The following CDH18 variants were observed in gnomAD, a reference collection of about 807,000 sequenced individuals.
CDH18 encodes cadherin-18.
Under a neutral mutation model 67.9 loss-of-function variants are expected in CDH18, and 31 were observed. That is an observed-to-expected ratio of 0.46 (90% CI 0.34 to 0.62). The LOEUF (loss-of-function observed/expected upper bound fraction) is 0.62, where lower values mean the gene tolerates loss of function less well. Among genes scored for constraint, CDH18 ranks in the 20% least tolerant of loss-of-function variants. CDH18 has a pLI of 0.01. For synonymous variants in CDH18, 362 were observed against 347.2 expected, an observed-to-expected ratio of 1.04 and a Z score of -0.48; for missense variants, 890 against 975.5, an observed-to-expected ratio of 0.91 and a Z score of 1.17.
At chr5:19,544,363 CTTG>C (rs1228510895) in intron 8 of CDH18, among the ~76,000 whole-genome samples, 1 of 151,900 alleles carries the variant, frequency 6.6e-6, no homozygotes, top group Non-Finnish European at 1.5e-5. Flanking sequence ...AATAAGACTT[CTTG>C]TTGTTATTAT....
chr5:20,392,171 T>TA (rs1744921210), intron 1 of CDH18, among the ~76,000 whole-genome samples: 1 of 151,896 alleles, frequency 6.6e-6, no homozygotes, highest in South Asian at 2.1e-4. Flanking sequence ...TTCACCATCT[T>TA]ATTTCACACA....
intron 1 of CDH18, among the ~76,000 whole-genome samples, chr5:20,526,860 C>A (rs926091948): frequency 1.3e-5 from 2 of 152,030 alleles, no homozygotes; most frequent in African/African-American, 4.8e-5. Flanking sequence ...AGCCAGCATG[C>A]CTCTTCTCCT....
intron 1 of CDH18, among the ~76,000 whole-genome samples, chr5:20,328,975 C>G (rs1170356089): frequency 6.6e-6 from 1 of 152,176 alleles, no homozygotes; most frequent in Non-Finnish European, 1.5e-5. Context: ...AGTAAGATCT[C>G]ATCTCAGAAA....
At chr5:19,874,298 C>T (rs997330208) in intron 2 of CDH18, among the ~76,000 whole-genome samples, 8 of 152,094 alleles carry the variant, frequency 5.3e-5, no homozygotes, top group South Asian at 2.1e-4. Flanking sequence ...TAAGCCAGTC[C>T]TCATTTTATT....
intron 5 of CDH18, among the ~76,000 whole-genome samples, chr5:19,633,581 T>C (rs930417428): frequency 6.6e-5 from 10 of 152,090 alleles, no homozygotes; most frequent in Non-Finnish European, 2.9e-5. Flanking sequence ...TCTCTCCTAC[T>C]TCATGTTTAA....
In CDH18 at chr5:20,026,341, A is replaced by G. The variant is rs760020237; in HGVS notation, c.-517-34327T>C. Among the ~76,000 whole-genome samples the G allele has an allele frequency of 1.5e-3, 224 of 152,184 alleles. 1 individual carries two copies. Among genetic ancestry groups the G allele is most frequent in the Non-Finnish European group, 1.8e-3 (125 of 68,034 alleles). ...CAGTCGCTAAGCTTCAGTTTTCTCA[A>G]ATATGAGAAAAATAGATAATATATT... On this transcript the variant is annotated intron_variant, in intron 2 of 14. Transcript: ENST00000507958.
At chr5:20,007,264 A>T (rs1489595314) in intron 2 of CDH18, among the ~76,000 whole-genome samples, 1 of 148,636 alleles carries the variant, frequency 6.7e-6, no homozygotes, top group Non-Finnish European at 1.5e-5. Context: ...AAAATGATGG[A>T]TTATTCAATT....
At chr5:19,895,074 T>C (rs1219315311) in intron 2 of CDH18, among the ~76,000 whole-genome samples, 1 of 152,142 alleles carries the variant, frequency 6.6e-6, no homozygotes, top group Non-Finnish European at 1.5e-5. Flanking sequence ...CTGCTCTATG[T>C]AGTAGATATT....
At chr5:19,623,098 G>A (rs918348869) in intron 5 of CDH18, among the ~76,000 whole-genome samples, 2 of 152,140 alleles carry the variant, frequency 1.3e-5, no homozygotes, top group Admixed American at 1.3e-4. Context: ...CAGAAATGGA[G>A]TGCATGACAT....
rs559159261 is a variant in CDH18, at chr5:20,223,608, T to C, written c.-518+31836A>G. Among the ~76,000 whole-genome samples, 3 of 152,280 alleles carry C rather than the reference T, an allele frequency of 2.0e-5. 1 individual carries two copies. The highest frequency in any genetic ancestry group is 3.9e-4 in the East Asian group (2 of 5,170). On this transcript the variant is annotated intron_variant, in intron 2 of 14. Transcript: ENST00000507958. ...TGGCTGTGTTCCCACCCAAAACTTA[T>C]CTTGAATTTTAGCTCCCATAATTCT...
chr5:19,809,969 G>A (rs548014608), intron 3 of CDH18, among the ~76,000 whole-genome samples: 1 of 152,190 alleles, frequency 6.6e-6, no homozygotes, highest in African/African-American at 2.4e-5. Flanking sequence ...CACACACACG[G>A]AAAATAGAAA....
intron 1 of CDH18, among the ~76,000 whole-genome samples, chr5:20,314,326 C>T (rs772976799): frequency 6.6e-6 from 1 of 151,932 alleles, no homozygotes; most frequent in Non-Finnish European, 1.5e-5. Context: ...CCAAGATATT[C>T]TACATAAACT....
At chr5:19,802,424 T>C (rs1174645198) in intron 3 of CDH18, among the ~76,000 whole-genome samples, 1 of 152,110 alleles carries the variant, frequency 6.6e-6, no homozygotes, top group Admixed American at 6.5e-5. Context: ...AAAAGAAAGG[T>C]AGTGACCTCT....
chr5:19,489,948 TATA>T lies in CDH18; in HGVS notation c.1631-6399_1631-6397del, dbSNP rs199688845. Reference sequence around the variant, plus strand: ...ATAATTCATAAACATACAACTATAATATAATAACTGCAGAAGTAGAGATAAGAA... The same window carrying T: ...ATAATTCATAAACATACAACTATAATATAACTGCAGAAGTAGAGATAAGAA... On this transcript the variant is annotated intron_variant, in intron 11 of 12. Transcript: ENST00000382275. Among the ~76,000 whole-genome samples the T allele has an allele frequency of 6.3e-5, 5 of 79,086 alleles. No individual in the cohort carries two copies. The East Asian group carries it at 2.7e-3, about 43-fold the overall frequency. The allele number at this position is 79,086 out of a possible 152,430, so 51.9% of individuals were successfully genotyped here.
rs575124137 is a variant in CDH18 at position 20,018,881 on chromosome 5, G to A, written c.-517-26867C>T. On this transcript the variant is annotated intron_variant, in intron 2 of 14. Transcript: ENST00000507958. ...GCGATCTCGACTCACTGCAAGCTCC[G>A]CCTCCCGGGTTCACGCCATTCTCCT... 3.9e-4 allele frequency among the ~76,000 whole-genome samples: 55 copies of A among 141,860 alleles called. 2 individuals carry two copies. Among genetic ancestry groups the A allele is most frequent in the Middle Eastern group, 3.6e-3 (1 of 276 alleles). The allele number at this position is 141,860 out of a possible 152,430, so 93.1% of individuals were successfully genotyped here.
intron 1 of CDH18, among the ~76,000 whole-genome samples, chr5:20,261,647 C>T (rs1744664722): frequency 6.6e-6 from 1 of 151,930 alleles, no homozygotes; most frequent in South Asian, 2.1e-4. Flanking sequence ...AGGAGAATGG[C>T]GTGAACCCGG....
At chr5:19,797,840 C>G (rs752882533) in intron 3 of CDH18, among the ~76,000 whole-genome samples, 3 of 151,894 alleles carry the variant, frequency 2.0e-5, no homozygotes, top group Non-Finnish European at 2.9e-5. Context: ...TCTAAAAATT[C>G]TATGGAAAGA....
At chr5:19,705,787 G>C (rs1014526539) in intron 5 of CDH18, among the ~76,000 whole-genome samples, 1 of 152,130 alleles carries the variant, frequency 6.6e-6, no homozygotes, top group African/African-American at 2.4e-5. Flanking sequence ...CTCTCATGAA[G>C]GCACAAATAC....
intron 2 of CDH18, among the ~76,000 whole-genome samples, chr5:20,035,770 A>G (rs1340849729): frequency 1.3e-5 from 2 of 152,032 alleles, no homozygotes; most frequent in African/African-American, 4.8e-5. Context: ...AAAAGAGAAA[A>G]TGATACTCAG....
Sources: gnomAD v4.1 joint callset for allele counts (sites outside exome capture counted in the v4.1 genomes callset) on GRCh38, gnomAD v4.1.1 for gene constraint, MANE v1.5 for transcripts, NCBI Gene and HGNC (gene_info 2026-07-23, HGNC 2026-07-21) for gene names.